The following ZNF521 variants were observed in gnomAD, a reference collection of about 807,000 sequenced individuals.
ZNF521 encodes the protein LYST-interacting protein 3.
A neutral mutation model predicts 105.5 loss-of-function variants in ZNF521; 14 were observed. That is an observed-to-expected ratio of 0.13 (90% CI 0.09 to 0.21). The LOEUF is 0.21. Among genes scored for constraint, ZNF521 ranks in the 10% least tolerant of loss-of-function variants. The pLI, the probability that ZNF521 is intolerant of heterozygous loss-of-function variation, is 1.00. For synonymous variants in ZNF521, 635 were observed against 606.0 expected (o/e 1.05, Z -0.70); for missense variants, 1,233 against 1,629.7 (o/e 0.76, Z 4.19).
At chr18:25,313,456 G>T (rs6508360) in intron 3 of ZNF521, among the ~76,000 whole-genome samples, 1 of 151,908 alleles carries the variant, frequency 6.6e-6, no homozygotes, top group Admixed American at 6.6e-5. Context: ...AGGGAAAGGG[G>T]AGGGGGAGAA....
At chr18:25,294,928 C>A (rs1270629580) in intron 3 of ZNF521, among the ~76,000 whole-genome samples, 2 of 148,750 alleles carry the variant, frequency 1.3e-5, no homozygotes, top group Admixed American at 1.3e-4. Context: ...TCTGCGACAT[C>A]CTTTATCTCT....
intron 6 of ZNF521, 74 bp from the exon 7 acceptor site, chr18:25,089,654 A>G: frequency 8.2e-7 from 1 of 1,218,848 alleles, no homozygotes; most frequent in Non-Finnish European, 1.2e-6. Flanking sequence ...CTCTGCATGA[A>G]CAGACAGCAG....
At chr18:25,105,567 C>T (rs889825700) in intron 5 of ZNF521, among the ~76,000 whole-genome samples, 1 of 152,014 alleles carries the variant, frequency 6.6e-6, no homozygotes, top group Non-Finnish European at 1.5e-5. Context: ...TTTATATAGC[C>T]CTTTACAATT....
chr18:25,307,687 C>T (rs1008869360), intron 3 of ZNF521, among the ~76,000 whole-genome samples: 7 of 152,106 alleles, frequency 4.6e-5, no homozygotes, highest in Non-Finnish European at 8.8e-5. Context: ...TAGAATATGG[C>T]AGAAGTAATG....
At chr18:25,317,377 A>C (rs1912698749) in intron 3 of ZNF521, among the ~76,000 whole-genome samples, 1 of 152,166 alleles carries the variant, frequency 6.6e-6, no homozygotes, top group African/African-American at 2.4e-5. Flanking sequence ...GCTTCGATTC[A>C]ATTTTATAGA....
intron 3 of ZNF521, among the ~76,000 whole-genome samples, chr18:25,303,284 G>T (rs1911749302): frequency 8.9e-6 from 1 of 111,774 alleles, no homozygotes; most frequent in South Asian, 2.5e-4. Context: ...GTGTGTGTGT[G>T]TGTGTGTGTG....
intron 5 of ZNF521, among the ~76,000 whole-genome samples, chr18:25,143,758 A>G (rs761661596): frequency 6.6e-6 from 1 of 152,192 alleles, no homozygotes; most frequent in East Asian, 1.9e-4. Context: ...ATAACTATCC[A>G]TAATAAATTC....
At chr18:25,349,218 C>T (rs1024184800) in intron 2 of ZNF521, among the ~76,000 whole-genome samples, 11 of 152,192 alleles carry the variant, frequency 7.2e-5, no homozygotes, top group Admixed American at 6.5e-5. Flanking sequence ...TGGTACTTCG[C>T]TCAGCGTTAC....
chr18:25,307,017 T>C (rs1407282868), intron 3 of ZNF521, among the ~76,000 whole-genome samples: 1 of 152,136 alleles, frequency 6.6e-6, no homozygotes, highest in Non-Finnish European at 1.5e-5. Flanking sequence ...TCTTTATTTT[T>C]CCTAGTATCG....
At chr18:25,269,444 T>C (rs1328704373) in intron 3 of ZNF521, among the ~76,000 whole-genome samples, 1 of 152,170 alleles carries the variant, frequency 6.6e-6, no homozygotes, top group Non-Finnish European at 1.5e-5. Context: ...GTGGACCTAA[T>C]AGACATCTAC....
intron 3 of ZNF521, among the ~76,000 whole-genome samples, chr18:25,247,990 A>G (rs1907846293): frequency 6.6e-6 from 1 of 152,230 alleles, no homozygotes; most frequent in African/African-American, 2.4e-5. Flanking sequence ...CATTTGTCAC[A>G]CTATTAGTCA....
intron 3 of ZNF521, among the ~76,000 whole-genome samples, chr18:25,289,101 G>A (rs1001953898): frequency 2.0e-5 from 3 of 151,998 alleles, no homozygotes; most frequent in Non-Finnish European, 4.4e-5. Flanking sequence ...CTCGTACTGT[G>A]AGCTTCTTTG....
chr18:25,145,480 T>A (rs945143663), intron 5 of ZNF521, among the ~76,000 whole-genome samples: 8 of 152,022 alleles, frequency 5.3e-5, no homozygotes, highest in Non-Finnish European at 1.0e-4. Context: ...ATCAACAAAA[T>A]GAAAATAAAA....
intron 2 of ZNF521, among the ~76,000 whole-genome samples, chr18:25,332,450 CT>C: frequency 6.6e-6 from 1 of 151,788 alleles, no homozygotes; most frequent in East Asian, 1.9e-4. Context: ...GTGTCTTCCC[CT>C]AGTTGGTCTA....
At chr18:25,327,777 T>C (rs1913315364) in intron 2 of ZNF521, 3 of 490,366 alleles carry the variant, frequency 6.1e-6, no homozygotes, top group Non-Finnish European at 1.2e-5. Context: ...GAAGGCAGCA[T>C]TGCCAGACTG....
At chr18:25,085,653 A>ATGTGTG (rs10569576) in intron 7 of ZNF521, among the ~76,000 whole-genome samples, 206 of 144,346 alleles carry the variant, frequency 1.4e-3, no homozygotes, top group Middle Eastern at 0.01. Context: ...CCATATATAT[A>ATGTGTG]TGTGTGTGTG....
Position 25,226,446 on chromosome 18 carries a change from G to T in ZNF521, c.1472C>A (p.Thr491Asn). The change falls in exon 4 of 8, where the codon ACT becomes AAT. Residue 491 changes from threonine (T) to asparagine (N), a missense_variant. By Grantham distance (65) the Thr-to-Asn change is moderately conservative. Coordinates refer to ENST00000361524, the MANE Select transcript of ZNF521 (RefSeq NM_015461.3). This position sits in a 1 kb window ranked among gnomAD's most constrained non-coding sequence, Gnocchi z 4.1. ...AGAACATCGGATGTGTTCCTGAAGA[G>T]TGTTGAGGTCGTTGACAACTTCGGA... ...FCSEVVNDLN[T>N]LQEHIRCSHG... 6.2e-7 allele frequency: 1 copy of T among 1,614,226 alleles called. No homozygotes were observed. Among genetic ancestry groups the T allele is most frequent in the South Asian group, 1.1e-5 (1 of 91,082 alleles).
intron 5 of ZNF521, among the ~76,000 whole-genome samples, chr18:25,126,095 T>C (rs74931141): frequency 0.026 from 3,973 of 152,108 alleles, 165 homozygotes; most frequent in African/African-American, 0.089. Flanking sequence ...CTCACAGGAA[T>C]GAATAACCTT....
chr18:25,067,726 C>T (rs1189423529), intron 7 of ZNF521, among the ~76,000 whole-genome samples: 2 of 152,160 alleles, frequency 1.3e-5, no homozygotes, highest in Admixed American at 6.5e-5. Context: ...CCAGGGGGAA[C>T]CTATCTTCCT....
Sources: allele counts gnomAD v4.1 joint callset (sites outside exome capture counted in the v4.1 genomes callset), GRCh38; gene constraint gnomAD v4.1.1; non-coding constraint Gnocchi (gnomAD v3.1); transcripts MANE v1.5; gene names NCBI Gene and HGNC (gene_info 2026-07-23, HGNC 2026-07-21).